Variants in MDGA2 observed in about 807,000 individuals in gnomAD.
The protein encoded by MDGA2 is MAM domain containing glycosylphosphatidylinositol anchor 2, also known as MAM domain-containing glycosylphosphatidylinositol anchor protein 2.
In MDGA2, 40 loss-of-function variants were observed where a neutral mutation model predicts 117.8. The observed-to-expected ratio is 0.34, with a 90% CI of 0.26 to 0.44. MDGA2 has a LOEUF of 0.44. Ranked by LOEUF, MDGA2 falls within the 20% of genes least tolerant of loss-of-function variation. MDGA2 has a pLI of 1.00. For missense variants in MDGA2, 1,123 were observed against 1,250.6 expected, an observed-to-expected ratio of 0.90 and a Z score of 1.54; for synonymous variants, 452 against 439.0, an observed-to-expected ratio of 1.03 and a Z score of -0.37.
intron 10 of MDGA2, among the ~76,000 whole-genome samples, chr14:46,889,240 G>T (rs1882784641): frequency 6.6e-6 from 1 of 151,956 alleles, no homozygotes; most frequent in Admixed American, 6.6e-5. Context: ...CCACAAATTT[G>T]AGTATCATCT....
intron 1 of MDGA2, among the ~76,000 whole-genome samples, chr14:47,460,964 CAG>C (rs961282369): frequency 1.3e-5 from 2 of 152,180 alleles, no homozygotes; most frequent in Non-Finnish European, 2.9e-5. Flanking sequence ...ATTTATTTCA[CAG>C]AGTTTTACAT....
intron 1 of MDGA2, among the ~76,000 whole-genome samples, chr14:47,609,683 G>A (rs953520288): frequency 6.6e-6 from 1 of 151,280 alleles, no homozygotes; most frequent in Non-Finnish European, 1.5e-5. Context: ...CATAGTGGCT[G>A]TAGTAGTTTC....
intron 8 of MDGA2, among the ~76,000 whole-genome samples, chr14:47,018,244 T>G (rs1173200741): frequency 1.3e-5 from 2 of 151,950 alleles, no homozygotes; most frequent in African/African-American, 4.8e-5. Context: ...AGGAAAAAAC[T>G]AAATTGCTAT....
chr14:47,304,657 T>C (rs1317562969), intron 1 of MDGA2, among the ~76,000 whole-genome samples: 1 of 152,120 alleles, frequency 6.6e-6, no homozygotes, highest in Non-Finnish European at 1.5e-5. Context: ...ATTTACATTA[T>C]GTTGTTTCTC....
intron 1 of MDGA2, among the ~76,000 whole-genome samples, chr14:47,661,824 C>T (rs1390581301): frequency 7.1e-6 from 1 of 141,728 alleles, no homozygotes; most frequent in African/African-American, 2.6e-5. Flanking sequence ...CAACCTCTGC[C>T]TCTCAGGTTC....
At chr14:46,955,617 C>A (rs1396276878) in intron 9 of MDGA2, among the ~76,000 whole-genome samples, 1 of 151,908 alleles carries the variant, frequency 6.6e-6, no homozygotes, top group Non-Finnish European at 1.5e-5. Flanking sequence ...CTCTAACATA[C>A]ATCATAAACA....
chr14:46,841,671 C>A lies in MDGA2; in HGVS notation c.*260G>T. On this transcript the variant is annotated 3_prime_UTR_variant, in exon 17 of 17. Coordinates refer to ENST00000399232, the MANE Select transcript of MDGA2 (RefSeq NM_001113498.3). ...GAGTTCAACCAGATGACGCTGTAATCTTTTTAGCCACAAAAGCACCTGAAG... is the reference window on the plus strand; with the variant it reads ...GAGTTCAACCAGATGACGCTGTAATATTTTTAGCCACAAAAGCACCTGAAG... 9.3e-5 allele frequency: 14 copies of A among 149,792 alleles called. No individual in the cohort carries two copies. Among genetic ancestry groups the A allele is most frequent in the East Asian group, 2.6e-4 (2 of 7,818 alleles). 9.3% of individuals were successfully genotyped at this position (149,792 alleles called of 1,614,324 possible).
At chr14:47,182,057 AG>A (rs1315947992) in intron 3 of MDGA2, among the ~76,000 whole-genome samples, 1 of 152,198 alleles carries the variant, frequency 6.6e-6, no homozygotes. Flanking sequence ...AAAACTTAAT[AG>A]TTTAACACGT....
chr14:46,905,321 A>G (rs1034858687), intron 10 of MDGA2, among the ~76,000 whole-genome samples: 4 of 152,150 alleles, frequency 2.6e-5, no homozygotes, highest in Non-Finnish European at 4.4e-5. Context: ...CTGTGACAAA[A>G]TAAGTACTAA....
intron 1 of MDGA2, among the ~76,000 whole-genome samples, chr14:47,501,302 G>C (rs763506270): frequency 1.3e-5 from 2 of 152,100 alleles, no homozygotes; most frequent in African/African-American, 2.4e-5. Flanking sequence ...AAGAGGATGA[G>C]ATAGAGTCCT....
chr14:47,047,623 T>C lies in MDGA2; in HGVS notation c.1526-12319A>G, dbSNP rs570359533. Among the ~76,000 whole-genome samples the C allele has an allele frequency of 2.0e-5, 3 of 152,086 alleles. No homozygotes were observed. The South Asian group carries it at 6.2e-4, about 32-fold the overall frequency. ...ACCTCTTAAGCCAAGGTATGGCATA[T>C]AGTAAACACTCCATATATTAATATG... On this transcript the variant is annotated intron_variant, in intron 7 of 16. Transcript: ENST00000399232.
chr14:47,597,782 T>C (rs901657127), intron 1 of MDGA2, among the ~76,000 whole-genome samples: 7 of 151,688 alleles, frequency 4.6e-5, no homozygotes, highest in Middle Eastern at 3.4e-3. Context: ...TAGTTTATTT[T>C]AGAGAGAGTT....
At chr14:46,936,066 T>C (rs1187751670) in intron 9 of MDGA2, among the ~76,000 whole-genome samples, 2 of 152,174 alleles carry the variant, frequency 1.3e-5, no homozygotes, top group South Asian at 4.1e-4. Context: ...GTCATACATA[T>C]ATAATTTTAA....
rs537891635 is a variant in MDGA2, at chr14:47,172,976, C to T, written c.596-28702G>A. Among the ~76,000 whole-genome samples, 264 of 152,154 alleles carry T rather than the reference C, an allele frequency of 1.7e-3. 2 individuals are homozygous for T. Among genetic ancestry groups the T allele is most frequent in the African/African-American group, 5.9e-3 (246 of 41,494 alleles). ...TAAAGGAGCTGATGGAGCTGAAAGC[C>T]AAGGCTCGAGAACTATGTGAAGAAT... is the stretch of plus-strand genomic sequence containing the variant. On this transcript the variant is annotated intron_variant, in intron 3 of 16. Coordinates refer to ENST00000399232, the MANE Select transcript of MDGA2 (RefSeq NM_001113498.3).
intron 1 of MDGA2, among the ~76,000 whole-genome samples, chr14:47,406,779 A>G (rs1024945642): frequency 6.6e-6 from 1 of 152,066 alleles, no homozygotes; most frequent in African/African-American, 2.4e-5. Context: ...TCAATATTAA[A>G]GCACTGCATC....
chr14:47,362,672 T>C (rs1467051931), intron 1 of MDGA2, among the ~76,000 whole-genome samples: 1 of 152,162 alleles, frequency 6.6e-6, no homozygotes, highest in Non-Finnish European at 1.5e-5. Context: ...CCCAATCATT[T>C]TGAAGAAATA....
chr14:47,468,248 G>A (rs538448286), intron 1 of MDGA2, among the ~76,000 whole-genome samples: 47 of 152,184 alleles, frequency 3.1e-4, no homozygotes, highest in South Asian at 4.1e-4. Context: ...CTGACTATCC[G>A]TAATCGTAAA....
chr14:47,175,609 C>A (rs1259837343), intron 3 of MDGA2, among the ~76,000 whole-genome samples: 1 of 152,004 alleles, frequency 6.6e-6, no homozygotes, highest in Non-Finnish European at 1.5e-5. Context: ...ACCCTTCATG[C>A]TAAAAACTCT....
chr14:47,616,805 G>C (rs1358701663), intron 1 of MDGA2, among the ~76,000 whole-genome samples: 1 of 152,084 alleles, frequency 6.6e-6, no homozygotes, highest in East Asian at 1.9e-4. Flanking sequence ...AAAAACATTA[G>C]AAATATGACA....
Sources: gnomAD v4.1 joint callset for allele counts (sites outside exome capture counted in the v4.1 genomes callset) on GRCh38, gnomAD v4.1.1 for gene constraint, MANE v1.5 for transcripts, NCBI Gene and HGNC (gene_info 2026-07-23, HGNC 2026-07-21) for gene names.